The following HTR2C variants were observed in gnomAD, a reference collection of about 807,000 sequenced individuals.
HTR2C encodes the protein 5-hydroxytryptamine (serotonin) receptor 2C, G protein-coupled.
In HTR2C, 5 loss-of-function variants were observed where a neutral mutation model predicts 21.0. That is an observed-to-expected ratio of 0.24 (90% CI 0.12 to 0.50). HTR2C has a LOEUF of 0.50. Among genes scored for constraint, HTR2C ranks in the 20% least tolerant of loss-of-function variants. The pLI, the probability that HTR2C is intolerant of heterozygous loss-of-function variation, is 0.98. For missense variants in HTR2C, 271 were observed against 371.2 expected, an observed-to-expected ratio of 0.73 and a Z score of 2.22; for synonymous variants, 150 against 145.3, an observed-to-expected ratio of 1.03 and a Z score of -0.23.
At chrX:114,883,267 CCTAT>C (rs1455586606) in intron 5 of HTR2C, among the ~76,000 whole-genome samples, 8 of 110,635 alleles carry the variant, frequency 7.2e-5, no homozygotes, top group African/African-American at 2.3e-4. Context: ...CATCTATCTA[CCTAT>C]CTATCCATCC....
At chrX:114,705,368 C>T (rs1407659755) in intron 2 of HTR2C, among the ~76,000 whole-genome samples, 1 of 110,453 alleles carries the variant, frequency 9.1e-6, no homozygotes, top group East Asian at 2.9e-4. Context: ...AGATATAGAT[C>T]AATGGAACAG....
At chrX:114,880,039 G>A (rs1046584683) in intron 5 of HTR2C, among the ~76,000 whole-genome samples, 2 of 109,170 alleles carry the variant, frequency 1.8e-5, no homozygotes, top group African/African-American at 3.3e-5. Context: ...TCCTGCCTTC[G>A]TTTTTTGTAT....
intron 4 of HTR2C, among the ~76,000 whole-genome samples, chrX:114,839,520 C>T (rs1456205806): frequency 9.0e-6 from 1 of 110,848 alleles, no homozygotes; most frequent in Non-Finnish European, 1.9e-5. Context: ...AACCCCATCT[C>T]TACAAAAAAT....
intron 2 of HTR2C, among the ~76,000 whole-genome samples, chrX:114,691,315 G>C (rs1375187778): frequency 9.0e-6 from 1 of 111,320 alleles, no homozygotes; most frequent in Non-Finnish European, 1.9e-5. Context: ...CCGATGCTAA[G>C]TGTTAGAGGT....
At chrX:114,660,752 G>A in intron 2 of HTR2C, among the ~76,000 whole-genome samples, 1 of 112,099 alleles carries the variant, frequency 8.9e-6, no homozygotes, top group African/African-American at 3.2e-5. Context: ...GAAATTACAT[G>A]TATCAGTGAA....
chrX:114,652,160 A>G (rs1472652913), intron 2 of HTR2C, among the ~76,000 whole-genome samples: 1 of 111,405 alleles, frequency 9.0e-6, no homozygotes, highest in Non-Finnish European at 1.9e-5. Flanking sequence ...TAAGTAGATC[A>G]TATGTCTTTG....
Position 114,712,331 on chromosome X carries a change from T to A in HTR2C, c.-79-14527T>A, listed in dbSNP as rs181631107. Among the ~76,000 whole-genome samples the A allele has an allele frequency of 2.6e-3, 292 of 111,856 alleles. 1 individual carries two copies. Among genetic ancestry groups the A allele is most frequent in the African/African-American group, 8.9e-3 (274 of 30,916 alleles). The stretch of plus-strand genomic sequence containing the variant: ...TACCTCAGTGGTGATTTGCACCAAA[T>A]ACACTGTCTTTCATAAATTTCCTGA... On this transcript the variant is annotated intron_variant, in intron 2 of 5. Transcript: ENST00000276198.
At chrX:114,774,842 C>T (rs782759814) in intron 4 of HTR2C, 20 of 491,116 alleles carry the variant, frequency 4.1e-5, no homozygotes, top group Non-Finnish European at 7.0e-5. Flanking sequence ...TCAACCTCTT[C>T]AGTGATGGGC....
intron 4 of HTR2C, chrX:114,774,968 T>C: frequency 2.0e-6 from 1 of 509,997 alleles, no homozygotes; most frequent in South Asian, 2.6e-5. Flanking sequence ...TTGCAGACTT[T>C]CTCCAGCTCT....
At chrX:114,887,179 G>C (rs2071225993) in intron 5 of HTR2C, among the ~76,000 whole-genome samples, 1 of 111,980 alleles carries the variant, frequency 8.9e-6, no homozygotes, top group African/African-American at 3.2e-5. Flanking sequence ...GCCAGTCTGA[G>C]GTTAGACAGG....
chrX:114,735,270 T>C (rs2069579841), intron 4 of HTR2C, among the ~76,000 whole-genome samples: 2 of 110,855 alleles, frequency 1.8e-5, no homozygotes, highest in African/African-American at 6.6e-5. Flanking sequence ...TTAGCCAAGA[T>C]TGAGCCACTG....
chrX:114,806,730 TATATACACACC>T (rs1225411349), intron 4 of HTR2C, among the ~76,000 whole-genome samples: 2 of 83,491 alleles, frequency 2.4e-5, no homozygotes, highest in Non-Finnish European at 4.7e-5. Context: ...ATACACCATA[TATATACACACC>T]ATATATATAC....
At chrX:114,614,346 C>T (rs369482018) in intron 2 of HTR2C, among the ~76,000 whole-genome samples, 178 of 109,801 alleles carry the variant, frequency 1.6e-3, no homozygotes, top group African/African-American at 5.6e-3. Context: ...CTGCAACCTC[C>T]GCCTCCTGGG....
In HTR2C at chrX:114,677,894, C is replaced by G. The variant is rs782157089; in HGVS notation, c.-79-48964C>G. 5.3e-4 allele frequency among the ~76,000 whole-genome samples: 59 copies of G among 111,362 alleles called. No individual in the cohort carries two copies. The Middle Eastern group carries it at 0.018, about 35-fold the overall frequency. On this transcript the variant is annotated intron_variant, in intron 2 of 5. Coordinates refer to ENST00000276198, the MANE Select transcript of HTR2C (RefSeq NM_000868.4). ...CACCACTTTTCCCTTCTATGGCTTA[C>G]CAGATCATCAAAATGATCCTCTAAT...
Position 114,743,084 on chromosome X carries a change from A to AT in HTR2C, c.349+11479dup, listed in dbSNP as rs374511733. 2.1e-3 allele frequency among the ~76,000 whole-genome samples: 165 copies of AT among 78,205 alleles called. 1 individual carries two copies. Among genetic ancestry groups the AT allele is most frequent in the African/African-American group, 7.4e-3 (153 of 20,619 alleles). 67.9% of individuals were successfully genotyped at this position (78,205 alleles called of 115,157 possible). A position where few individuals can be genotyped will look rare whatever the true frequency, so the allele number is the denominator to read the frequency against. ...TCATCATTTTTTATGGCTGCATAGT[A>AT]TTCCATGGTGTATATGTGCCACATT... is the stretch of plus-strand genomic sequence containing the variant. On this transcript the variant is annotated intron_variant, in intron 4 of 5. Transcript: ENST00000276198.
intron 4 of HTR2C, among the ~76,000 whole-genome samples, chrX:114,741,319 G>A (rs2069642819): frequency 9.5e-6 from 1 of 105,430 alleles, no homozygotes; most frequent in Non-Finnish European, 1.9e-5. Context: ...AGGAGATAGA[G>A]ACCAGCCAGG....
intron 1 of HTR2C, among the ~76,000 whole-genome samples, chrX:114,604,941 G>C (rs1444285612): frequency 2.7e-5 from 3 of 111,220 alleles, no homozygotes; most frequent in African/African-American, 9.8e-5. Flanking sequence ...CCTGTTGTGG[G>C]GTTTGAGGGC....
At position 114,833,364 on chromosome X, in the gene HTR2C, G is replaced by A. The variant is rs1322871715; in HGVS notation, c.350-14639G>A. Among the ~76,000 whole-genome samples, 141 of 107,773 alleles carry A rather than the reference G, an allele frequency of 1.3e-3. 1 individual carries two copies. Among genetic ancestry groups the A allele is most frequent in the Middle Eastern group, 4.6e-3 (1 of 216 alleles). 93.6% of individuals were successfully genotyped at this position (107,773 alleles called of 115,157 possible). ...TTTGGTTGGTAAACTATTGATTATT[G>A]CCACAATTTCAGATCCTGTTATTGG... is the stretch of plus-strand genomic sequence containing the variant. On this transcript the variant is annotated intron_variant, in intron 4 of 5. Coordinates refer to ENST00000276198, the MANE Select transcript of HTR2C (RefSeq NM_000868.4).
intron 1 of HTR2C, among the ~76,000 whole-genome samples, chrX:114,588,864 A>G (rs1241416119): frequency 8.9e-6 from 1 of 111,750 alleles, no homozygotes; most frequent in Non-Finnish European, 1.9e-5. Flanking sequence ...GCCACTATTT[A>G]TTGACATTTA....
Sources: gnomAD v4.1 joint callset for allele counts (sites outside exome capture counted in the v4.1 genomes callset) on GRCh38, gnomAD v4.1.1 for gene constraint, MANE v1.5 for transcripts, NCBI Gene and HGNC (gene_info 2026-07-23, HGNC 2026-07-21) for gene names.